IMMP2L: variants seen among roughly 807,000 people sequenced by gnomAD.
The protein encoded by IMMP2L is mitochondrial inner membrane protease subunit 2.
Under a neutral mutation model 19.3 loss-of-function variants are expected in IMMP2L, and 18 were observed. The observed-to-expected ratio is 0.93, with a 90% CI of 0.64 to 1.38. IMMP2L has a LOEUF of 1.38. Ranked by LOEUF, IMMP2L falls within the 40% of genes most tolerant of loss-of-function variation. IMMP2L has a pLI of 0.00. For missense variants in IMMP2L, 233 were observed against 218.2 expected (o/e 1.07, Z -0.43); for synonymous variants, 76 against 73.0 (o/e 1.04, Z -0.21).
chr7:111,497,324 A>G (rs1843686949), intron 2 of IMMP2L, among the ~76,000 whole-genome samples: 1 of 152,204 alleles, frequency 6.6e-6, no homozygotes, highest in South Asian at 2.1e-4. Context: ...AAAGGAACAT[A>G]TACAAAGATA....
chr7:110,694,445 T>C (rs1793728288), intron 5 of IMMP2L, among the ~76,000 whole-genome samples: 1 of 152,162 alleles, frequency 6.6e-6, no homozygotes, highest in African/African-American at 2.4e-5. Context: ...TAGAGTCCAG[T>C]AAGTCTCAGG....
chr7:111,080,992 G>A (rs556661273), intron 3 of IMMP2L, among the ~76,000 whole-genome samples: 1 of 152,302 alleles, frequency 6.6e-6, no homozygotes, highest in East Asian at 1.9e-4. Flanking sequence ...GGCAGCTTCA[G>A]GCTGTTCATT....
intron 3 of IMMP2L, among the ~76,000 whole-genome samples, chr7:111,238,026 A>G (rs1814545105): frequency 6.6e-6 from 1 of 152,102 alleles, no homozygotes; most frequent in Non-Finnish European, 1.5e-5. Context: ...GCTGCCTAGA[A>G]GTAAAGCCCT....
intron 3 of IMMP2L, among the ~76,000 whole-genome samples, chr7:111,066,127 C>T (rs182222998): frequency 9.5e-4 from 144 of 151,894 alleles, no homozygotes; most frequent in African/African-American, 3.2e-3. Context: ...TACAGGTGCA[C>T]GTCACCACGC....
intron 3 of IMMP2L, among the ~76,000 whole-genome samples, chr7:111,387,592 T>C (rs1831891859): frequency 6.6e-6 from 1 of 152,198 alleles, no homozygotes; most frequent in Non-Finnish European, 1.5e-5. Context: ...ATGGCTAGCA[T>C]GTATGCCAGT....
At chr7:111,118,511 C>T (rs774746100) in intron 3 of IMMP2L, among the ~76,000 whole-genome samples, 1 of 151,964 alleles carries the variant, frequency 6.6e-6, no homozygotes, top group Non-Finnish European at 1.5e-5. Context: ...CCCACCCCAC[C>T]ATTTATTTGT....
chr7:110,856,836 G>A (rs1806833687), intron 5 of IMMP2L, among the ~76,000 whole-genome samples: 1 of 152,036 alleles, frequency 6.6e-6, no homozygotes, highest in Non-Finnish European at 1.5e-5. Context: ...AGATGGCTTG[G>A]TGTTCATTAA....
intron 2 of IMMP2L, among the ~76,000 whole-genome samples, chr7:111,495,582 T>C (rs546357803): frequency 1.3e-5 from 2 of 152,282 alleles, no homozygotes; most frequent in South Asian, 2.1e-4. Flanking sequence ...TCAAATCATA[T>C]GACAGGTTTG....
intron 4 of IMMP2L, among the ~76,000 whole-genome samples, chr7:110,903,596 CTTT>C (rs1368116961): frequency 1.3e-5 from 2 of 152,152 alleles, no homozygotes; most frequent in Non-Finnish European, 2.9e-5. Context: ...GGATTTCCTT[CTTT>C]TTAAGAATAG....
chr7:110,674,850 T>C (rs1224169398), intron 5 of IMMP2L, among the ~76,000 whole-genome samples: 1 of 152,144 alleles, frequency 6.6e-6, no homozygotes, highest in Non-Finnish European at 1.5e-5. Flanking sequence ...ATACCATATC[T>C]ATCTGCCTGC....
chr7:110,745,276 T>C (rs963038991), intron 5 of IMMP2L, among the ~76,000 whole-genome samples: 6 of 152,166 alleles, frequency 3.9e-5, no homozygotes, highest in Admixed American at 6.5e-5. Context: ...CTACGTTTGA[T>C]TGGTGTACCT....
chr7:110,953,868 C>T (rs1255998955), intron 4 of IMMP2L, among the ~76,000 whole-genome samples: 3 of 152,150 alleles, frequency 2.0e-5, no homozygotes, highest in East Asian at 1.9e-4. Flanking sequence ...TTCTAAGTGA[C>T]GTGAGATGGT....
At chr7:110,887,612 A>T (rs2129545659) in intron 4 of IMMP2L, among the ~76,000 whole-genome samples, 1 of 151,962 alleles carries the variant, frequency 6.6e-6, no homozygotes. Flanking sequence ...AAAATAATTT[A>T]CCTAAATATT....
intron 3 of IMMP2L, among the ~76,000 whole-genome samples, chr7:111,292,471 T>A (rs1821217248): frequency 6.6e-6 from 1 of 152,086 alleles, no homozygotes; most frequent in African/African-American, 2.4e-5. Flanking sequence ...ATGTACTCAG[T>A]TTACATGTAC....
chr7:111,089,942 G>A (rs1796679466), intron 3 of IMMP2L, among the ~76,000 whole-genome samples: 1 of 151,768 alleles, frequency 6.6e-6, no homozygotes, highest in Non-Finnish European at 1.5e-5. Flanking sequence ...GGAGCAATTA[G>A]ATGTGAAGGT....
At chr7:111,414,602 C>T (rs923709881) in intron 3 of IMMP2L, among the ~76,000 whole-genome samples, 3 of 151,840 alleles carry the variant, frequency 2.0e-5, no homozygotes, top group African/African-American at 4.9e-5. Flanking sequence ...GGAAGCATGA[C>T]ATGCATTTGT....
intron 3 of IMMP2L, among the ~76,000 whole-genome samples, chr7:111,446,569 T>A (rs1838455821): frequency 6.6e-6 from 1 of 151,250 alleles, no homozygotes; most frequent in Non-Finnish European, 1.5e-5. Context: ...ATCACCATCA[T>A]CAAAGACCAA....
At position 111,163,354 on chromosome 7, in the gene IMMP2L, C is replaced by A. The variant is rs1006737935; in HGVS notation, c.240-199789G>T. On this transcript the variant is annotated intron_variant, in intron 3 of 5. Coordinates refer to ENST00000405709, the MANE Select transcript of IMMP2L (RefSeq NM_032549.4). ...TCCCTGGCCTCTAAAAAGTCTCCAG[C>A]TTTTTGTTTTGGTGAAGTTGAGTTC... Among the ~76,000 whole-genome samples the A allele has an allele frequency of 3.0e-4, 45 of 152,214 alleles. 1 individual carries two copies. The highest frequency in any genetic ancestry group is 1.0e-3 in the African/African-American group (43 of 41,546).
intron 5 of IMMP2L, among the ~76,000 whole-genome samples, chr7:110,821,815 T>G (rs1237965508): frequency 2.6e-5 from 4 of 151,894 alleles, no homozygotes; most frequent in Admixed American, 2.6e-4. Flanking sequence ...CCCAGCTACT[T>G]GGAAGGCTGA....
Sources: allele counts gnomAD v4.1 joint callset (sites outside exome capture counted in the v4.1 genomes callset), GRCh38; gene constraint gnomAD v4.1.1; transcripts MANE v1.5; gene names NCBI Gene and HGNC (gene_info 2026-07-23, HGNC 2026-07-21).